Variants in SHISA9 observed in about 807,000 individuals in gnomAD.
SHISA9 encodes shisa family member 9.
SHISA9 carries 13 observed loss-of-function variants against 38.0 expected under a neutral mutation model. The ratio of observed to expected loss-of-function variants is 0.34; its 90% CI spans 0.22 to 0.54. The LOEUF (loss-of-function observed/expected upper bound fraction) is 0.54, where lower values mean the gene tolerates loss of function less well. SHISA9 is among the 20% of genes least tolerant of loss of function. The pLI is 0.91. For synonymous variants in SHISA9, 275 were observed against 242.0 expected (o/e 1.14, Z -1.27); for missense variants, 538 against 575.8 (o/e 0.93, Z 0.67).
intron 2 of SHISA9, among the ~76,000 whole-genome samples, chr16:13,006,229 C>A (rs762444616): frequency 6.6e-6 from 1 of 152,176 alleles, no homozygotes; most frequent in Non-Finnish European, 1.5e-5. Flanking sequence ...AAGGAAGGGA[C>A]CAGAGTGACC....
At chr16:13,165,145 T>C (rs2050625036) in intron 2 of SHISA9, among the ~76,000 whole-genome samples, 1 of 152,176 alleles carries the variant, frequency 6.6e-6, no homozygotes, top group Non-Finnish European at 1.5e-5. Context: ...TTTTGAGAAT[T>C]TGTGGCCATT....
intron 2 of SHISA9, among the ~76,000 whole-genome samples, chr16:13,107,693 G>C (rs1024117882): frequency 6.6e-6 from 1 of 152,074 alleles, no homozygotes; most frequent in African/African-American, 2.4e-5. Context: ...TGATCAGGTA[G>C]GTTGGGGCCA....
the SHISA9 span, among the ~76,000 whole-genome samples, chr16:13,493,178 A>C: frequency 6.6e-6 from 1 of 151,682 alleles, no homozygotes; most frequent in Non-Finnish European, 1.5e-5. Context: ...ATGCATATCA[A>C]GTGCTTTTGA....
chr16:13,189,470 ACTT>A (rs2050861659), intron 2 of SHISA9, among the ~76,000 whole-genome samples: 1 of 152,218 alleles, frequency 6.6e-6, no homozygotes, highest in Non-Finnish European at 1.5e-5. Flanking sequence ...AAGCCACTCA[ACTT>A]CTCTGAGCTT....
chr16:13,548,137 T>C, the SHISA9 span, among the ~76,000 whole-genome samples: 3 of 152,128 alleles, frequency 2.0e-5, no homozygotes, highest in Non-Finnish European at 4.4e-5. Flanking sequence ...CTTCAACAAA[T>C]GATGCTTGAA....
the SHISA9 span, among the ~76,000 whole-genome samples, chr16:13,343,261 CTTCACA>C: frequency 6.6e-6 from 1 of 152,222 alleles, no homozygotes; most frequent in Non-Finnish European, 1.5e-5. Context: ...CTCTAGTTAA[CTTCACA>C]TTCTTTTCTC....
the SHISA9 span, among the ~76,000 whole-genome samples, chr16:13,549,896 G>A: frequency 9.9e-5 from 15 of 152,030 alleles, no homozygotes; most frequent in African/African-American, 3.1e-4. Context: ...GGTCGTAAGC[G>A]CCTGTAATCC....
chr16:12,927,101 C>G (rs1045664717), intron 2 of SHISA9, among the ~76,000 whole-genome samples: 3 of 152,138 alleles, frequency 2.0e-5, no homozygotes, highest in South Asian at 2.1e-4. Flanking sequence ...TTAATAATAA[C>G]AGCCAATATA....
intron 2 of SHISA9, among the ~76,000 whole-genome samples, chr16:12,953,024 G>A (rs552199920): frequency 6.6e-6 from 1 of 152,014 alleles, no homozygotes; most frequent in Non-Finnish European, 1.5e-5. Context: ...TAAATAAATA[G>A]TAAAGTATGC....
intron 2 of SHISA9, among the ~76,000 whole-genome samples, chr16:13,089,972 A>G (rs903101662): frequency 5.9e-5 from 9 of 152,170 alleles, no homozygotes; most frequent in Non-Finnish European, 1.3e-4. Flanking sequence ...CACTGCTTCA[A>G]ATGTGTCCCA....
the SHISA9 span, among the ~76,000 whole-genome samples, chr16:13,443,084 T>G: frequency 3.2e-4 from 48 of 152,198 alleles, no homozygotes; most frequent in Non-Finnish European, 6.5e-4. Flanking sequence ...AAAAGGACTT[T>G]CCATTACACT....
intron 2 of SHISA9, among the ~76,000 whole-genome samples, chr16:12,975,311 T>C (rs2072142805): frequency 6.6e-6 from 1 of 152,094 alleles, no homozygotes; most frequent in Admixed American, 6.6e-5. Flanking sequence ...GAGACCATCC[T>C]GGCCAACATG....
chr16:12,912,411 C>T (rs1480800003), intron 1 of SHISA9, among the ~76,000 whole-genome samples: 4 of 152,120 alleles, frequency 2.6e-5, no homozygotes, highest in Non-Finnish European at 1.5e-5. Flanking sequence ...CTTTGTTATC[C>T]TTTCAAAAGC....
chr16:13,146,115 G>A (rs894334096), intron 2 of SHISA9, among the ~76,000 whole-genome samples: 4 of 152,206 alleles, frequency 2.6e-5, no homozygotes, highest in African/African-American at 7.2e-5. Flanking sequence ...CCTTGAACCC[G>A]GGAGGGGAAG....
intron 2 of SHISA9, among the ~76,000 whole-genome samples, chr16:12,928,392 A>C (rs1276496874): frequency 1.3e-5 from 2 of 152,060 alleles, no homozygotes; most frequent in East Asian, 3.9e-4. Context: ...TGCATTTTAC[A>C]AATAATGACA....
the SHISA9 span, among the ~76,000 whole-genome samples, chr16:13,419,697 G>T: frequency 6.6e-6 from 1 of 152,124 alleles, no homozygotes; most frequent in African/African-American, 2.4e-5. Flanking sequence ...TGACATTGTG[G>T]GTCACACAAT....
At chr16:12,923,669 A>G (rs927598594) in intron 2 of SHISA9, among the ~76,000 whole-genome samples, 5 of 151,838 alleles carry the variant, frequency 3.3e-5, no homozygotes, top group Admixed American at 2.6e-4. Flanking sequence ...ATATATAATA[A>G]CATATTAAAA....
intron 3 of SHISA9, among the ~76,000 whole-genome samples, chr16:13,210,847 C>T (rs2051112251): frequency 6.6e-6 from 1 of 152,198 alleles, no homozygotes. Context: ...GACTTGGAAT[C>T]CTATGTTCTT....
In SHISA9 at chr16:13,231,168, G is replaced by T. The variant is rs575603892; in HGVS notation, c.896-3862G>T. 2.6e-5 allele frequency among the ~76,000 whole-genome samples: 4 copies of T among 152,294 alleles called. No individual in the cohort carries two copies. The South Asian group carries it at 8.3e-4, about 32-fold the overall frequency. ...TGACAGTTGTCCTGCAAGAGAAGAG[G>T]AGCATGAAGTCAACCATTGCTCCCA... is the stretch of plus-strand genomic sequence containing the variant. On this transcript the variant is annotated intron_variant, in intron 4 of 4. Coordinates refer to ENST00000558583, the MANE Select transcript of SHISA9 (RefSeq NM_001145204.3).
Sources: allele counts gnomAD v4.1 joint callset (sites outside exome capture counted in the v4.1 genomes callset), GRCh38; gene constraint gnomAD v4.1.1; transcripts MANE v1.5; gene names NCBI Gene and HGNC (gene_info 2026-07-23, HGNC 2026-07-21).